LHPP: variants seen among roughly 807,000 people sequenced by gnomAD.
LHPP encodes the protein hLHPP.
LHPP carries 24 observed loss-of-function variants against 30.3 expected under a neutral mutation model. That is an observed-to-expected ratio of 0.79 (90% CI 0.57 to 1.11). The LOEUF (loss-of-function observed/expected upper bound fraction) is 1.11. LHPP is among the 50% of genes most tolerant of loss of function. The pLI, the probability that LHPP is intolerant of heterozygous loss-of-function variation, is 0.00. For synonymous variants in LHPP, 150 were observed against 157.1 expected (o/e 0.95, Z 0.34); for missense variants, 356 against 367.2 (o/e 0.97, Z 0.25).
chr10:124,530,919 C>G (rs1364535220), intron 6 of LHPP, among the ~76,000 whole-genome samples: 1 of 20,388 alleles, frequency 4.9e-5, no homozygotes, highest in Non-Finnish European at 9.6e-5. Flanking sequence ...CCAGCCCGTC[C>G]TTCTTGTCTC....
At chr10:124,536,394 T>G (rs1955028937) in intron 6 of LHPP, among the ~76,000 whole-genome samples, 1 of 152,224 alleles carries the variant, frequency 6.6e-6, no homozygotes, top group South Asian at 2.1e-4. Flanking sequence ...CTCCTGCTCC[T>G]GCTCCGAGGC....
At chr10:124,472,758 A>G (rs568800658) in intron 1 of LHPP, among the ~76,000 whole-genome samples, 3 of 152,194 alleles carry the variant, frequency 2.0e-5, no homozygotes, top group South Asian at 4.1e-4. Context: ...GAGTTTCACT[A>G]TGTTGACCAG....
intron 1 of LHPP, among the ~76,000 whole-genome samples, chr10:124,483,607 A>T (rs1261034935): frequency 6.6e-6 from 1 of 152,132 alleles, no homozygotes; most frequent in Non-Finnish European, 1.5e-5. Context: ...AATACAAAAA[A>T]TTAGCCAGGT....
At position 124,583,160 on chromosome 10, in the gene LHPP, G is replaced by A. The variant is rs925473387; in HGVS notation, c.717-30104G>A. 3.3e-5 allele frequency among the ~76,000 whole-genome samples: 5 copies of A among 152,198 alleles called. 1 individual carries two copies. The East Asian group carries it at 5.8e-4, about 18-fold the overall frequency. ...TTTAAAGTTTTGATGAAGTCCATTT[G>A]ATCTTTTATTTTCTCTTGTTGCTTA... On this transcript the variant is annotated intron_variant, in intron 6 of 6. Transcript: ENST00000368842.
At chr10:124,537,956 TG>T (rs1428261161) in intron 6 of LHPP, among the ~76,000 whole-genome samples, 4 of 152,222 alleles carry the variant, frequency 2.6e-5, no homozygotes, top group African/African-American at 9.6e-5. Context: ...GAGACCTTCT[TG>T]GGGGTTCGGT....
In LHPP at chr10:124,567,247, G is replaced by A. The variant is rs774111874; in HGVS notation, c.717-46017G>A. On this transcript the variant is annotated intron_variant, in intron 6 of 6. Coordinates refer to ENST00000368842, the MANE Select transcript of LHPP (RefSeq NM_022126.4). ...AAGCTCCAGGTGGGCAGGCCTTGCC[G>A]TGGTCACCTGTGTCCACAGGCCTGG... is the stretch of plus-strand genomic sequence containing the variant. 1.8e-4 allele frequency among the ~76,000 whole-genome samples: 27 copies of A among 152,384 alleles called. 1 individual carries two copies. In the South Asian group the frequency reaches 4.8e-3, roughly 27 times the overall value.
chr10:124,479,588 G>T (rs1268029124), intron 1 of LHPP, among the ~76,000 whole-genome samples: 1 of 147,068 alleles, frequency 6.8e-6, no homozygotes, highest in African/African-American at 2.5e-5. Flanking sequence ...TTCTGGTGAG[G>T]CCCCTTTTCT....
rs757060518 is a variant in LHPP, at chr10:124,498,052, A to T, written c.548A>T (p.Lys183Ile). ...TTTTCCCAGTATGCCTGTGGCATCAAAGCCGAGGTGGTGGGGAAGCCTTCT... is the reference window on the plus strand; with the variant it reads ...TTTTCCCAGTATGCCTGTGGCATCATAGCCGAGGTGGTGGGGAAGCCTTCT... ...MKALEYACGI[K>I]AEVVGKPSPE... Residue 183 changes from lysine (K) to isoleucine (I), a missense_variant, in exon 5 of 7, where the codon AAA becomes ATA. By Grantham distance (102) the Lys-to-Ile change is moderately radical. Coordinates refer to ENST00000368842, the MANE Select transcript of LHPP (RefSeq NM_022126.4). The T allele has an allele frequency of 8.1e-6, 13 of 1,613,984 alleles. No homozygotes were observed. The East Asian group carries it at 2.7e-4, about 33-fold the overall frequency.
chr10:124,529,488 C>T (rs541639990), intron 6 of LHPP, among the ~76,000 whole-genome samples: 2 of 152,296 alleles, frequency 1.3e-5, no homozygotes, highest in African/African-American at 4.8e-5. Context: ...AGGAACCTCC[C>T]AGCCAGCCCT....
In LHPP at chr10:124,587,528, G is replaced by A. The variant is rs116819680; in HGVS notation, c.717-25736G>A. On this transcript the variant is annotated intron_variant, in intron 6 of 6. Transcript: ENST00000368842. ...GGCCGAGACGGGCGGATCACCTGAG[G>A]TCGAGAGTTTGAGCCAGCCTGACTA... is the stretch of plus-strand genomic sequence containing the variant. 5.3e-3 allele frequency among the ~76,000 whole-genome samples: 799 copies of A among 151,370 alleles called. 6 individuals are homozygous for A. The highest frequency in any genetic ancestry group is 0.018 in the African/African-American group (726 of 41,322).
intron 6 of LHPP, among the ~76,000 whole-genome samples, chr10:124,564,144 G>T (rs1256721097): frequency 2.1e-5 from 3 of 143,836 alleles, no homozygotes; most frequent in Admixed American, 6.9e-5. Context: ...TTTTTTTTGA[G>T]ACGGAGTCTC....
At chr10:124,585,752 G>A (rs896378480) in intron 6 of LHPP, among the ~76,000 whole-genome samples, 1 of 152,038 alleles carries the variant, frequency 6.6e-6, no homozygotes, top group African/African-American at 2.4e-5. Context: ...GAGCAGCAGG[G>A]ACCATAGGAG....
intron 5 of LHPP, among the ~76,000 whole-genome samples, chr10:124,507,167 G>A (rs576814709): frequency 3.1e-3 from 228 of 74,278 alleles, no homozygotes; most frequent in South Asian, 0.011. Context: ...GGGAGGGTAG[G>A]CAGGATTTCA....
chr10:124,578,338 G>C (rs1948695977), intron 6 of LHPP, among the ~76,000 whole-genome samples: 1 of 152,252 alleles, frequency 6.6e-6, no homozygotes, highest in Admixed American at 6.5e-5. Context: ...CACTTGACAG[G>C]TGAGCCACAG....
chr10:124,521,778 G>A (rs1954618342), intron 6 of LHPP, among the ~76,000 whole-genome samples: 1 of 152,198 alleles, frequency 6.6e-6, no homozygotes, highest in African/African-American at 2.4e-5. Context: ...CCAGAGGGAT[G>A]ACTGAGGCCT....
chr10:124,486,978 C>T (rs909343683), intron 2 of LHPP, among the ~76,000 whole-genome samples: 1 of 152,234 alleles, frequency 6.6e-6, no homozygotes, highest in African/African-American at 2.4e-5. Context: ...CTGAGTTAAC[C>T]CTTTCCGTCA....
intron 6 of LHPP, among the ~76,000 whole-genome samples, chr10:124,547,517 G>T (rs1015363843): frequency 6.6e-6 from 1 of 152,224 alleles, no homozygotes; most frequent in African/African-American, 2.4e-5. Context: ...GTGAGCTTCT[G>T]TCTCCCGTCT....
At chr10:124,507,131 T>TGAGG (rs747692288) in intron 5 of LHPP, among the ~76,000 whole-genome samples, 6 of 42,244 alleles carry the variant, frequency 1.4e-4, no homozygotes, top group South Asian at 1.4e-3. Flanking sequence ...GGATTTCAGG[T>TGAGG]CGGGGGGTTA....
At chr10:124,601,408 T>A (rs1480652195) in intron 6 of LHPP, among the ~76,000 whole-genome samples, 2 of 152,270 alleles carry the variant, frequency 1.3e-5, no homozygotes, top group Non-Finnish European at 2.9e-5. Flanking sequence ...CTTACGTACG[T>A]GAATTGGGTG....
Sources: allele counts gnomAD v4.1 joint callset (sites outside exome capture counted in the v4.1 genomes callset), GRCh38; gene constraint gnomAD v4.1.1; transcripts MANE v1.5; gene names NCBI Gene and HGNC (gene_info 2026-07-23, HGNC 2026-07-21).